The following MOV10 variants were observed in gnomAD, a reference collection of about 807,000 sequenced individuals.
MOV10 encodes the protein Mov10 RNA helicase.
MOV10 carries 39 observed loss-of-function variants against 108.4 expected under a neutral mutation model. The observed-to-expected ratio is 0.36, with a 90% CI of 0.28 to 0.47. MOV10 has a LOEUF of 0.47. Among genes scored for constraint, MOV10 ranks in the 20% least tolerant of loss-of-function variants. MOV10 has a pLI of 1.00. For synonymous variants in MOV10, 490 were observed against 523.1 expected, an observed-to-expected ratio of 0.94 and a Z score of 0.86; for missense variants, 952 against 1,297.6, an observed-to-expected ratio of 0.73 and a Z score of 4.09.
intron 2 of MOV10, among the ~76,000 whole-genome samples, chr1:112,687,958 G>A (rs938966764): frequency 6.6e-6 from 1 of 151,944 alleles, no homozygotes; most frequent in Non-Finnish European, 1.5e-5. Context: ...TACACTTCGC[G>A]CTCCCTCTTG....
At chr1:112,693,310 G>C (rs1673752036) in intron 7 of MOV10, among the ~76,000 whole-genome samples, 1 of 152,228 alleles carries the variant, frequency 6.6e-6, no homozygotes, top group African/African-American at 2.4e-5. Flanking sequence ...TTGCAGGTGG[G>C]AATTAGAGGG....
chr1:112,676,285 ATGGAGGATTATAC>A (rs931841225), intron 2 of MOV10, among the ~76,000 whole-genome samples: 16 of 152,202 alleles, frequency 1.1e-4, no homozygotes, highest in African/African-American at 3.9e-4. Context: ...ACATGGTAAA[ATGGAGGATTATAC>A]TAGGGATGGT....
intron 5 of MOV10, among the ~76,000 whole-genome samples, chr1:112,691,348 T>C (rs1673568412): frequency 6.6e-6 from 1 of 152,174 alleles, no homozygotes; most frequent in South Asian, 2.1e-4. Flanking sequence ...GTTGACTATA[T>C]ATGTATAACA....
chr1:112,695,309 T>C (rs1673970015), intron 10 of MOV10, 107 bp from the exon 11 acceptor site: 3 of 1,169,258 alleles, frequency 2.6e-6, no homozygotes, highest in Admixed American at 2.1e-5. Flanking sequence ...GCATGAATCT[T>C]GGAGTCACCA....
chr1:112,681,072 A>G (rs1191404084), intron 2 of MOV10, among the ~76,000 whole-genome samples: 1 of 152,018 alleles, frequency 6.6e-6, no homozygotes, highest in East Asian at 1.9e-4. Context: ...TCATTATCAC[A>G]TATCATTTTT....
At position 112,700,203 on chromosome 1, in the gene MOV10, C is replaced by T. The variant is rs764819560; in HGVS notation, c.2799-16C>T. On this transcript the variant is annotated splice_polypyrimidine_tract_variant and intron_variant, in intron 19 of 20. Coordinates refer to ENST00000369645, the MANE Select transcript of MOV10 (RefSeq NM_001321324.2). ...TTAGCCTCCAGTCTCTGCTGGCACT[C>T]CTCTGTACCCCACAGATTCCTGGAG... is the stretch of plus-strand genomic sequence containing the variant. 1 of 1,613,884 alleles carries T rather than the reference C, an allele frequency of 6.2e-7. No individual in the cohort carries two copies. Among genetic ancestry groups the T allele is most frequent in the Non-Finnish European group, 8.5e-7 (1 of 1,179,866 alleles).
intron 17 of MOV10, 63 bp from the exon 18 acceptor site, chr1:112,699,622 C>T (rs1014335044): frequency 1.2e-6 from 2 of 1,607,312 alleles, no homozygotes; most frequent in African/African-American, 1.3e-5. Flanking sequence ...GGCAAGCTCC[C>T]TGGGGTAGGG....
At chr1:112,683,042 C>T (rs1418506990) in intron 2 of MOV10, among the ~76,000 whole-genome samples, 1 of 151,682 alleles carries the variant, frequency 6.6e-6, no homozygotes, top group Non-Finnish European at 1.5e-5. Context: ...GCCTCAGCCT[C>T]CTGAGTAGCA....
chr1:112,681,469 G>A (rs1237134969), intron 2 of MOV10, among the ~76,000 whole-genome samples: 4 of 152,020 alleles, frequency 2.6e-5, no homozygotes, highest in African/African-American at 4.8e-5. Flanking sequence ...ACACCAGCCC[G>A]GGCGACAGAC....
At chr1:112,678,126 T>A (rs1672340986) in intron 2 of MOV10, among the ~76,000 whole-genome samples, 1 of 152,074 alleles carries the variant, frequency 6.6e-6, no homozygotes, top group Non-Finnish European at 1.5e-5. Flanking sequence ...TTTCCCCAAC[T>A]GTAAGAGTAT....
In MOV10 at chr1:112,694,483, C is replaced by A; in HGVS notation, c.1326C>A (p.Thr442=). The A allele has an allele frequency of 6.2e-7, 1 of 1,614,122 alleles. No homozygotes were observed. The highest frequency in any genetic ancestry group is 8.5e-7 in the Non-Finnish European group (1 of 1,180,030). Residue 442 remains threonine, a synonymous_variant, in exon 9 of 21, where the codon ACC becomes ACA. Coordinates refer to ENST00000369645, the MANE Select transcript of MOV10 (RefSeq NM_001321324.2). The surrounding 1 kb of genome is among the most constrained non-coding windows in gnomAD (Gnocchi z 4.1). ...TGAGCCGCTTTGTGGATGGGCTGACCTTCAAGGTGAACTTTACCTTCAACC... is the reference window on the plus strand; with the variant it reads ...TGAGCCGCTTTGTGGATGGGCTGACATTCAAGGTGAACTTTACCTTCAACC... ...SLLSRFVDGL[T]FKVNFTFNRQ...
chr1:112,679,159 G>A (rs1186845658), intron 2 of MOV10, among the ~76,000 whole-genome samples: 1 of 152,044 alleles, frequency 6.6e-6, no homozygotes, highest in Non-Finnish European at 1.5e-5. Context: ...TTCCTGAACT[G>A]GGTCTAAAAA....
intron 5 of MOV10, 120 bp downstream of exon 5, chr1:112,690,218 C>G: frequency 7.8e-7 from 1 of 1,287,978 alleles, no homozygotes; most frequent in Non-Finnish European, 1.1e-6. Flanking sequence ...CTTCACTCTT[C>G]TGGGTCTCAG....
At position 112,689,900 on chromosome 1, in the gene MOV10, CA is replaced by C; in HGVS notation, c.639del (p.Val214CysfsTer37). ...AGCTTTGTGGGCTACTTCCCAGCCA[CA>C]GTGCTCTGGGAGCTGCTGGGACCTG... Reference protein sequence around the residue: ...KTSFVGYFPATVLWELLGPGE... With the variant: ...KTSFVGYFPAXVLWELLGPGE... On this transcript the variant is annotated frameshift_variant, in exon 5 of 21. Coordinates refer to ENST00000369645, the MANE Select transcript of MOV10 (RefSeq NM_001321324.2). LOFTEE classifies it high-confidence loss of function. The C allele has an allele frequency of 6.2e-7, 1 of 1,614,224 alleles. No homozygotes were observed. The highest frequency in any genetic ancestry group is 8.5e-7 in the Non-Finnish European group (1 of 1,180,030).
intron 17 of MOV10, chr1:112,699,315 C>T (rs1674411778): frequency 2.9e-6 from 1 of 340,436 alleles, no homozygotes; most frequent in Non-Finnish European, 4.8e-6. Flanking sequence ...ACAGGCCTCT[C>T]TCTTGGAAAT....
intron 5 of MOV10, among the ~76,000 whole-genome samples, chr1:112,690,961 A>G (rs753405188): frequency 3.3e-5 from 5 of 152,104 alleles, no homozygotes; most frequent in South Asian, 4.1e-4. Flanking sequence ...TGTTTTTGCT[A>G]GATGTTCACA....
intron 14 of MOV10, among the ~76,000 whole-genome samples, 178 bp downstream of exon 14, chr1:112,697,024 G>A (rs892118862): frequency 6.6e-6 from 1 of 152,172 alleles, no homozygotes; most frequent in Admixed American, 6.5e-5. Context: ...TGTTGTCTGC[G>A]TGACTTAGCC....
chr1:112,695,131 A>G (rs1241416310), intron 10 of MOV10, among the ~76,000 whole-genome samples: 4 of 152,094 alleles, frequency 2.6e-5, no homozygotes, highest in Non-Finnish European at 1.5e-5. Context: ...TATCTCTATG[A>G]AAAATATGAA....
intron 2 of MOV10, chr1:112,688,516 T>G (rs935125531): frequency 1.8e-6 from 2 of 1,087,408 alleles, no homozygotes; most frequent in Non-Finnish European, 2.2e-6. Context: ...TCCACCCCTC[T>G]GAATCAAATC....
Sources: gnomAD v4.1 joint callset for allele counts (sites outside exome capture counted in the v4.1 genomes callset) on GRCh38, gnomAD v4.1.1 for gene constraint, Gnocchi (gnomAD v3.1) non-coding constraint, MANE v1.5 for transcripts, NCBI Gene and HGNC (gene_info 2026-07-23, HGNC 2026-07-21) for gene names.